CHD4: variants seen among roughly 807,000 people sequenced by gnomAD.
The protein encoded by CHD4 is chromodomain helicase DNA binding protein 4.
CHD4 carries 35 observed loss-of-function variants against 235.5 expected under a neutral mutation model. The observed-to-expected ratio is 0.15, with a 90% CI of 0.11 to 0.20. The LOEUF is 0.20. Among genes scored for constraint, CHD4 ranks in the 10% least tolerant of loss-of-function variants. CHD4 has a pLI of 1.00. For missense variants in CHD4, 1,329 were observed against 2,432.3 expected (o/e 0.55, Z 9.54); for synonymous variants, 900 against 850.2 (o/e 1.06, Z -1.02).
chr12:6,580,895 T>C, intron 33 of CHD4, 149 bp downstream of exon 33: 2 of 807,034 alleles, frequency 2.5e-6, no homozygotes, highest in Non-Finnish European at 4.0e-6. Context: ...TAATCCCAGC[T>C]CCTCGGGAGG....
At position 6,594,498 on chromosome 12, in the gene CHD4, A is replaced by T; in HGVS notation, c.2274T>A (p.Thr758=). The T allele has an allele frequency of 6.8e-6, 11 of 1,613,882 alleles. No individual in the cohort carries two copies. Among genetic ancestry groups the T allele is most frequent in the Non-Finnish European group, 9.3e-6 (11 of 1,179,906 alleles). ...ILADEMGLGK[T]VQTAVFLYSL... Reference sequence around the variant, plus strand: ...AATACAGGAAGACTGCTGTCTGTACAGTTTTCCCAAGGCCCATCTCATCAG... The same window carrying T: ...AATACAGGAAGACTGCTGTCTGTACTGTTTTCCCAAGGCCCATCTCATCAG... The change falls in exon 15 of 40, where the codon ACT becomes ACA. Residue 758 remains threonine (T), a synonymous_variant. Transcript: ENST00000544040.
chr12:6,600,078 C>T (rs2136223140), intron 9 of CHD4, 66 bp from the exon 10 acceptor site: 2 of 1,576,364 alleles, frequency 1.3e-6, no homozygotes, highest in Non-Finnish European at 1.7e-6. Context: ...GAAGCCAGTG[C>T]CCATCATTCC....
chr12:6,600,845 T>C (rs1948577236), intron 7 of CHD4, 81 bp downstream of exon 7: 9 of 1,522,154 alleles, frequency 5.9e-6, no homozygotes, highest in Non-Finnish European at 7.9e-6. Flanking sequence ...GTGCCTACTA[T>C]GAAGGACAGG....
Position 6,606,406 on chromosome 12 carries a change from G to A in CHD4, c.-33C>T, listed in dbSNP as rs757432721. The A allele has an allele frequency of 4.7e-6, 7 of 1,495,754 alleles. No homozygotes were observed. The East Asian group carries it at 1.6e-4, about 34-fold the overall frequency. 92.7% of individuals were successfully genotyped at this position (1,495,754 alleles called of 1,614,324 possible). ...CGCTCCCGGCCAGGGAATTGGCCCA[G>A]CTGCTCCTGCCGGCGGCCTGAGGAC... On this transcript the variant is annotated 5_prime_UTR_variant, in exon 2 of 40. Coordinates refer to ENST00000544040, the MANE Select transcript of CHD4 (RefSeq NM_001273.5).
intron 2 of CHD4, 132 bp downstream of exon 2, chr12:6,606,142 C>T: frequency 3.2e-6 from 2 of 620,252 alleles, no homozygotes; most frequent in Non-Finnish European, 5.5e-6. Context: ...GGGAACCACT[C>T]CCTTCGGATA....
At chr12:6,580,229 A>AAACAACAAC (rs145463385) in intron 33 of CHD4, 6 of 111,214 alleles carry the variant, frequency 5.4e-5, no homozygotes, top group South Asian at 5.6e-4. Context: ...TCCATCTCGA[A>AAACAACAAC]AACAACAACA....
intron 2 of CHD4, among the ~76,000 whole-genome samples, chr12:6,603,522 A>C (rs1948634439): frequency 8.0e-6 from 1 of 124,620 alleles, no homozygotes; most frequent in Non-Finnish European, 1.6e-5. Context: ...TAGGACAGAC[A>C]GGAAGTGGCA....
intron 10 of CHD4, 62 bp downstream of exon 10, chr12:6,599,711 T>C (rs1211327803): frequency 9.4e-6 from 15 of 1,604,054 alleles, no homozygotes; most frequent in South Asian, 5.5e-5. Context: ...AGCCTCACAA[T>C]AGCCTACATA....
At chr12:6,575,608 C>G (rs1305593941) in intron 37 of CHD4, among the ~76,000 whole-genome samples, 2 of 152,126 alleles carry the variant, frequency 1.3e-5, no homozygotes, top group Non-Finnish European at 2.9e-5. Context: ...AGCATCACAG[C>G]CCAGACCCTT....
rs761393792 is a variant in CHD4 at position 6,581,814 on chromosome 12, C to T, written c.4516G>A (p.Val1506Ile). The T allele has an allele frequency of 6.6e-7, 1 of 1,514,942 alleles. No homozygotes were observed. The highest frequency in any genetic ancestry group is 2.3e-5 in the Admixed American group (1 of 44,212). 93.8% of individuals were successfully genotyped at this position (1,514,942 alleles called of 1,614,324 possible). A position where few individuals can be genotyped will look rare whatever the true frequency, so the allele number is the denominator to read the frequency against. ...IGVMSLIRKK[V>I]QEFEHVNGRW... Reference sequence around the variant, plus strand: ...CCATTAACATGTTCAAACTCCTGAACCTGTAGCAATGGGACAAGAAGTTGA... The same window carrying T: ...CCATTAACATGTTCAAACTCCTGAATCTGTAGCAATGGGACAAGAAGTTGA... The change falls in exon 31 of 40, where the codon GTT becomes ATT. Residue 1506 changes from valine to isoleucine, a missense_variant and splice_region_variant. By Grantham distance (29) the Val-to-Ile change is conservative (BLOSUM62 3). Transcript: ENST00000544040.
chr12:6,580,715 A>AAAAAACAAAAC (rs1555164006), intron 33 of CHD4: 4 of 226,886 alleles, frequency 1.8e-5, no homozygotes, highest in African/African-American at 2.7e-5. Context: ...AAAAAAAAAA[A>AAAAAACAAAAC]AAAAAAAAAA....
Position 6,606,440 on chromosome 12 carries a change from T to G in CHD4, c.-67A>C. 1 of 937,420 alleles carries G rather than the reference T, an allele frequency of 1.1e-6. No homozygotes were observed. Among genetic ancestry groups the G allele is most frequent in the Non-Finnish European group, 1.6e-6 (1 of 619,332 alleles). The allele number at this position is 937,420 out of a possible 1,614,324, so 58.1% of individuals were successfully genotyped here. ...GCCGGCGGCCTGAGGACCTCTACAC[T>G]GGCCCGAGTCACTGTGCGGGGGAGG... On this transcript the variant is annotated 5_prime_UTR_variant, in exon 2 of 40. Transcript: ENST00000544040.
intron 38 of CHD4, 75 bp from the exon 39 acceptor site, chr12:6,571,107 C>T: frequency 6.5e-7 from 1 of 1,531,652 alleles, no homozygotes; most frequent in East Asian, 2.3e-5. Flanking sequence ...GGACCAGCCC[C>T]CCATCACTTC....
At chr12:6,600,460 C>G (rs1948569356) in intron 8 of CHD4, 65 bp from the exon 9 acceptor site, 1 of 1,605,578 alleles carries the variant, frequency 6.2e-7, no homozygotes, top group South Asian at 1.1e-5. Context: ...CCCCCGACCC[C>G]TATCTCCTTA....
At chr12:6,591,877 G>T in intron 20 of CHD4, 39 bp downstream of exon 20, 1 of 1,614,044 alleles carries the variant, frequency 6.2e-7, no homozygotes, top group Middle Eastern at 1.6e-4. Context: ...ACATGGAGAA[G>T]ACCCAACCCA....
At chr12:6,584,979 GA>G (rs1292308906) in intron 25 of CHD4, among the ~76,000 whole-genome samples, 1 of 152,130 alleles carries the variant, frequency 6.6e-6, no homozygotes, top group Admixed American at 6.5e-5. Context: ...ACTGAGGTTG[GA>G]CGCATTACCT....
intron 10 of CHD4, among the ~76,000 whole-genome samples, chr12:6,598,666 G>A (rs1000783951): frequency 6.6e-6 from 1 of 152,136 alleles, no homozygotes; most frequent in Non-Finnish European, 1.5e-5. Flanking sequence ...AAAATTAGCT[G>A]GGCGTGGTGG....
At chr12:6,580,761 C>A in intron 33 of CHD4, 1 of 326,446 alleles carries the variant, frequency 3.1e-6, no homozygotes, top group Non-Finnish European at 5.4e-6. Flanking sequence ...GTAATCCCAG[C>A]AATCTGGGAG....
chr12:6,590,827 T>C (rs1948382348), intron 22 of CHD4, among the ~76,000 whole-genome samples: 1 of 151,646 alleles, frequency 6.6e-6, no homozygotes, highest in African/African-American at 2.4e-5. Flanking sequence ...CTATCTCGAA[T>C]AAACAAAACA....
Sources: gnomAD v4.1 joint callset for allele counts (sites outside exome capture counted in the v4.1 genomes callset) on GRCh38, gnomAD v4.1.1 for gene constraint, MANE v1.5 for transcripts, NCBI Gene and HGNC (gene_info 2026-07-23, HGNC 2026-07-21) for gene names.